DEF6: variants seen among roughly 807,000 people sequenced by gnomAD.
DEF6 encodes the protein DEF6 guanine nucleotide exchange factor.
A neutral mutation model predicts 80.5 loss-of-function variants in DEF6; 32 were observed. That is an observed-to-expected ratio of 0.40 (90% CI 0.30 to 0.53). The LOEUF is 0.53. Among genes scored for constraint, DEF6 ranks in the 20% least tolerant of loss-of-function variants. The pLI, the probability that DEF6 is intolerant of heterozygous loss-of-function variation, is 0.57. For synonymous variants in DEF6, 300 were observed against 337.9 expected (o/e 0.89, Z 1.23); for missense variants, 575 against 818.7 (o/e 0.70, Z 3.63).
intron 2 of DEF6, 142 bp downstream of exon 2, chr6:35,309,952 A>G: frequency 2.0e-6 from 2 of 976,002 alleles, no homozygotes; most frequent in Non-Finnish European, 3.0e-6. Context: ...CTGCTGTCCC[A>G]TCACGTCCCT....
At position 35,310,509 on chromosome 6, in the gene DEF6, G is replaced by T; in HGVS notation, c.288G>T (p.Thr96=). 3 of 1,614,112 alleles carry T rather than the reference G, an allele frequency of 1.9e-6. No individual in the cohort carries two copies. The highest frequency in any genetic ancestry group is 1.1e-5 in the South Asian group (1 of 91,088). The change falls in exon 3 of 11, where the codon ACG becomes ACT. Residue 96 remains threonine (T), a synonymous_variant. Transcript: ENST00000316637. ...VKEHFDELCW[T]LTAKKNYRAD... is the part of the protein sequence containing the mutation. ...AGCACTTTGATGAGCTGTGCTGGAC[G>T]CTGACGGCCAAGAAGAACTATCGGG...
intron 2 of DEF6, 117 bp downstream of exon 2, chr6:35,309,927 C>A: frequency 1.6e-6 from 2 of 1,244,842 alleles, no homozygotes; most frequent in South Asian, 1.4e-5. Context: ...CTACTTCTGC[C>A]TGCTCTGTCC....
At chr6:35,309,846 T>G in intron 2 of DEF6, 36 bp downstream of exon 2, 2 of 1,608,258 alleles carry the variant, frequency 1.2e-6, no homozygotes, top group South Asian at 1.1e-5. Context: ...CTGTAACCTC[T>G]CCCCACTTTT....
intron 1 of DEF6, among the ~76,000 whole-genome samples, chr6:35,298,674 A>G (rs766242282): frequency 6.6e-6 from 1 of 152,140 alleles, no homozygotes; most frequent in Non-Finnish European, 1.5e-5. Context: ...GAGGCCAAGG[A>G]GTTTTTCTCT....
chr6:35,316,848 T>C (rs1181511309), intron 5 of DEF6, among the ~76,000 whole-genome samples: 1 of 152,218 alleles, frequency 6.6e-6, no homozygotes, highest in African/African-American at 2.4e-5. Flanking sequence ...ACAGAAACTC[T>C]GTACCTACCA....
intron 1 of DEF6, among the ~76,000 whole-genome samples, chr6:35,301,896 T>G (rs1447247764): frequency 3.9e-5 from 6 of 152,052 alleles, no homozygotes; most frequent in Non-Finnish European, 7.4e-5. Flanking sequence ...CCAGCTAATT[T>G]TTGTATTTTT....
chr6:35,309,591 C>A, intron 1 of DEF6, 79 bp from the exon 2 acceptor site: 1 of 1,533,862 alleles, frequency 6.5e-7, no homozygotes. Context: ...TGAGGACAAG[C>A]AGAGAGGTGG....
chr6:35,306,991 A>G (rs1192107716), intron 1 of DEF6, among the ~76,000 whole-genome samples: 1 of 152,236 alleles, frequency 6.6e-6, no homozygotes, highest in African/African-American at 2.4e-5. Context: ...GACATGGTAT[A>G]CCTGTTTCCT....
intron 1 of DEF6, among the ~76,000 whole-genome samples, chr6:35,299,727 C>T (rs1414205643): frequency 1.3e-5 from 2 of 152,154 alleles, no homozygotes; most frequent in African/African-American, 2.4e-5. Context: ...GAGTTCCCTC[C>T]TACTTGACAG....
intron 2 of DEF6, 39 bp downstream of exon 2, chr6:35,309,849 C>T (rs1455956648): frequency 6.2e-7 from 1 of 1,608,664 alleles, no homozygotes; most frequent in Admixed American, 1.7e-5. Context: ...TAACCTCTCC[C>T]CACTTTTCCA....
intron 3 of DEF6, 138 bp downstream of exon 3, chr6:35,310,782 C>G: frequency 1.1e-6 from 1 of 927,344 alleles, no homozygotes; most frequent in Non-Finnish European, 1.6e-6. Context: ...GGTATCTGTC[C>G]TCACCCAGCT....
At position 35,309,735 on chromosome 6, in the gene DEF6, C is replaced by T. The variant is rs1274780348; in HGVS notation, c.162C>T (p.His54=). The part of the protein sequence containing the change: ...IPHDPVALEE[H]FRDDDDGPVS... ...ATGACCCCGTGGCCCTGGAGGAACA[C>T]TTCCGAGATGATGATGACGGCCCTG... Residue 54 remains histidine, a synonymous_variant, in exon 2 of 11, where the codon CAC becomes CAT. Transcript: ENST00000316637. 1.2e-6 allele frequency: 2 copies of T among 1,613,968 alleles called. No individual in the cohort carries two copies. The highest frequency in any genetic ancestry group is 1.7e-6 in the Non-Finnish European group (2 of 1,180,008).
chr6:35,311,565 C>T (rs1398628454), intron 3 of DEF6, among the ~76,000 whole-genome samples: 1 of 152,236 alleles, frequency 6.6e-6, no homozygotes, highest in Non-Finnish European at 1.5e-5. Context: ...TGTCCATCTG[C>T]ACATACACTT....
At chr6:35,303,087 G>A (rs554920934) in intron 1 of DEF6, among the ~76,000 whole-genome samples, 7 of 152,252 alleles carry the variant, frequency 4.6e-5, no homozygotes, top group Non-Finnish European at 8.8e-5. Context: ...CCAGGCACAG[G>A]AAGCTGACAG....
intron 1 of DEF6, among the ~76,000 whole-genome samples, chr6:35,298,884 G>A (rs1361332258): frequency 6.6e-6 from 1 of 152,168 alleles, no homozygotes; most frequent in Non-Finnish European, 1.5e-5. Flanking sequence ...TGCCTGGCAT[G>A]TGGCTAGGCA....
chr6:35,319,402 C>A lies in DEF6; in HGVS notation c.1216-122C>A, dbSNP rs553252764. 2 of 689,710 alleles carry A rather than the reference C, an allele frequency of 2.9e-6. No homozygotes were observed. Among genetic ancestry groups the A allele is most frequent in the African/African-American group, 1.8e-5 (1 of 55,458 alleles). The allele number at this position is 689,710 out of a possible 1,614,324, so 42.7% of individuals were successfully genotyped here. On this transcript the variant is annotated intron_variant, in intron 7 of 10. Coordinates refer to ENST00000316637, the MANE Select transcript of DEF6 (RefSeq NM_022047.4). This position sits in a 1 kb window ranked among gnomAD's most constrained non-coding sequence, Gnocchi z 4.5. ...AAGGGGTCAGATCAGGAAACCCCAACATGAAGGAGTTCCCCAGACCCTCAC... is the reference window on the plus strand; with the variant it reads ...AAGGGGTCAGATCAGGAAACCCCAAAATGAAGGAGTTCCCCAGACCCTCAC...
intron 9 of DEF6, 126 bp from the exon 10 acceptor site, chr6:35,320,758 G>A (rs539967162): frequency 9.0e-6 from 7 of 781,468 alleles, no homozygotes; most frequent in East Asian, 5.4e-5. Flanking sequence ...AGCATATATG[G>A]TTTTTCTCTG....
At position 35,310,554 on chromosome 6, in the gene DEF6, T is replaced by C. The variant is rs776126902; in HGVS notation, c.333T>C (p.Ser111=). 2.5e-6 allele frequency: 4 copies of C among 1,614,130 alleles called. No homozygotes were observed. The East Asian group carries it at 8.9e-5, about 36-fold the overall frequency. ...ATCGGGCAGATAGCAACGGGAACAG[T>C]ATGCTCTCCAATCAGGATGCCTTCC... is the stretch of plus-strand genomic sequence containing the variant. ...KNYRADSNGN[S]MLSNQDAFRL... The change falls in exon 3 of 11, where the codon AGT becomes AGC. Residue 111 remains serine, a synonymous_variant. Coordinates refer to ENST00000316637, the MANE Select transcript of DEF6 (RefSeq NM_022047.4).
At chr6:35,308,708 AAAATAAAATAAAATAAAAT>A (rs1229470889) in intron 1 of DEF6, among the ~76,000 whole-genome samples, 3 of 147,480 alleles carry the variant, frequency 2.0e-5, no homozygotes, top group Non-Finnish European at 3.0e-5. Context: ...AAAATAAAAT[AAAATAAAATAAAATAAAAT>A]AAATAAAATA....
Sources: gnomAD v4.1 joint callset for allele counts (sites outside exome capture counted in the v4.1 genomes callset) on GRCh38, gnomAD v4.1.1 for gene constraint, Gnocchi (gnomAD v3.1) non-coding constraint, MANE v1.5 for transcripts, NCBI Gene and HGNC (gene_info 2026-07-23, HGNC 2026-07-21) for gene names.